The following TMPO variants were observed in gnomAD, a reference collection of about 807,000 sequenced individuals.
TMPO encodes the protein LEM domain containing 4.
Under a neutral mutation model 45.4 loss-of-function variants are expected in TMPO, and 22 were observed. That is an observed-to-expected ratio of 0.48 (90% CI 0.35 to 0.69). The LOEUF (loss-of-function observed/expected upper bound fraction) is 0.69, where lower values mean the gene tolerates loss of function less well. Among genes scored for constraint, TMPO ranks in the 30% least tolerant of loss-of-function variants. TMPO has a pLI of 0.01. For missense variants in TMPO, 512 were observed against 548.8 expected, an observed-to-expected ratio of 0.93 and a Z score of 0.67; for synonymous variants, 241 against 204.1, an observed-to-expected ratio of 1.18 and a Z score of -1.54.
chr12:98,545,175 A>G (rs910934973), intron 7 of TMPO, 114 bp downstream of exon 7: 4 of 654,198 alleles, frequency 6.1e-6, no homozygotes, highest in Non-Finnish European at 9.9e-6. Flanking sequence ...AGCTTTCTTT[A>G]TTGGGTGGTG....
intron 7 of TMPO, 68 bp downstream of exon 7, chr12:98,545,129 GTTTTTTT>G (rs79128220): frequency 4.6e-6 from 3 of 650,976 alleles, no homozygotes; most frequent in Admixed American, 3.0e-5. Context: ...ATATTTGTTT[GTTTTTTT>G]TTTTTTTTTT....
At chr12:98,518,470 C>CTTTTTTTTTTTTTTTTTTTT (rs11437786) in intron 1 of TMPO, among the ~76,000 whole-genome samples, 2 of 83,518 alleles carry the variant, frequency 2.4e-5, no homozygotes, top group African/African-American at 5.1e-5. Flanking sequence ...ATTTTCTAAT[C>CTTTTTTTTTTTTTTTTTTTT]TTTTTTTTTT....
Position 98,533,543 on chromosome 12 carries a change from T to A in TMPO, c.565+1705T>A, listed in dbSNP as rs1445522904. On this transcript the variant is annotated intron_variant, in intron 3 of 8. Coordinates refer to ENST00000556029, the MANE Select transcript of TMPO (RefSeq NM_001032283.3). ...GAATTCCTGTCTCCTCCAAGAAAAG[T>A]CCCTAGACTGAGTGAGAAGTCAGTG... 6.2e-6 allele frequency: 10 copies of A among 1,614,156 alleles called. No homozygotes were observed. In the East Asian group the frequency reaches 2.2e-4, roughly 36 times the overall value.
rs1235766643 is a variant in TMPO, at chr12:98,532,993, A to G, written c.565+1155A>G. 1.2e-6 allele frequency: 2 copies of G among 1,613,976 alleles called. No individual in the cohort carries two copies. Among genetic ancestry groups the G allele is most frequent in the Non-Finnish European group, 1.7e-6 (2 of 1,180,002 alleles). On this transcript the variant is annotated intron_variant, in intron 3 of 8. Transcript: ENST00000556029. ...ACTACAGGCAGCTAAGAAAGTACAT[A>G]CTTCTAAGGGAGACCTACCTAGGGA... is the stretch of plus-strand genomic sequence containing the variant.
rs763238672 is a variant in TMPO at position 98,534,026 on chromosome 12, C to T, written c.565+2188C>T. 9.3e-6 allele frequency: 15 copies of T among 1,608,070 alleles called. No individual in the cohort carries two copies. The Admixed American group carries it at 1.5e-4, about 16-fold the overall frequency. ...ATTGCAACTCACACTGCCTTTGTAG[C>T]TAAGGCTATGCAGGCAGACATTAGT... On this transcript the variant is annotated intron_variant, in intron 3 of 8. Coordinates refer to ENST00000556029, the MANE Select transcript of TMPO (RefSeq NM_001032283.3).
chr12:98,518,231 C>T (rs1036920126), intron 1 of TMPO, among the ~76,000 whole-genome samples: 2 of 151,364 alleles, frequency 1.3e-5, no homozygotes, highest in South Asian at 2.1e-4. Context: ...TAGAACCCTT[C>T]ATTGGTCCTC....
At chr12:98,540,011 A>C (rs1272432619) in intron 4 of TMPO, among the ~76,000 whole-genome samples, 1 of 152,200 alleles carries the variant, frequency 6.6e-6, no homozygotes, top group Non-Finnish European at 1.5e-5. Context: ...ATGTTGTTCA[A>C]ATCAGGATCC....
rs750885955 is a variant in TMPO, at chr12:98,547,926, C to T, written c.*68C>T. On this transcript the variant is annotated 3_prime_UTR_variant, in exon 9 of 9. Coordinates refer to ENST00000556029, the MANE Select transcript of TMPO (RefSeq NM_001032283.3). Reference sequence around the variant, plus strand: ...ATAACTGTTGAAAAACATTTGTGTACACTTGTTGACTCCAAGAACTAAAAA... The same window carrying T: ...ATAACTGTTGAAAAACATTTGTGTATACTTGTTGACTCCAAGAACTAAAAA... The T allele has an allele frequency of 4.3e-5, 66 of 1,528,316 alleles. No individual in the cohort carries two copies. Among genetic ancestry groups the T allele is most frequent in the African/African-American group, 5.5e-5 (4 of 72,466 alleles). The allele number at this position is 1,528,316 out of a possible 1,614,324, so 94.7% of individuals were successfully genotyped here.
At position 98,544,432 on chromosome 12, in the gene TMPO, A is replaced by C; in HGVS notation, c.784-10A>C. Reference sequence around the variant, plus strand: ...TATTTATTGTTTTTGTTTTGTTTTCAAACTAACAGGTGGAAACTTCAGAAC... The same window carrying C: ...TATTTATTGTTTTTGTTTTGTTTTCCAACTAACAGGTGGAAACTTCAGAAC... On this transcript the variant is annotated splice_polypyrimidine_tract_variant and intron_variant, in intron 5 of 8. Coordinates refer to ENST00000556029, the MANE Select transcript of TMPO (RefSeq NM_001032283.3). 1 of 1,613,484 alleles carries C rather than the reference A, an allele frequency of 6.2e-7. No homozygotes were observed. Among genetic ancestry groups the C allele is most frequent in the Non-Finnish European group, 8.5e-7 (1 of 1,179,550 alleles).
At chr12:98,544,080 A>C (rs1300107281) in intron 4 of TMPO, 150 bp from the exon 5 acceptor site, 1 of 823,940 alleles carries the variant, frequency 1.2e-6, no homozygotes, top group Non-Finnish European at 1.9e-6. Flanking sequence ...TTCAATTAAT[A>C]CATTTAGGAA....
intron 1 of TMPO, among the ~76,000 whole-genome samples, chr12:98,523,931 G>A (rs1168642906): frequency 2.6e-5 from 4 of 152,054 alleles, no homozygotes; most frequent in African/African-American, 7.2e-5. Flanking sequence ...CTCCCTCCTC[G>A]GCCTCCCAAA....
rs1314318018 is a variant in TMPO, at chr12:98,515,813, C to A, written c.-55C>A. 1.3e-6 allele frequency: 2 copies of A among 1,572,004 alleles called. No individual in the cohort carries two copies. Among genetic ancestry groups the A allele is most frequent in the Non-Finnish European group, 1.7e-6 (2 of 1,160,348 alleles). On this transcript the variant is annotated 5_prime_UTR_variant, in exon 1 of 9. Coordinates refer to ENST00000556029, the MANE Select transcript of TMPO (RefSeq NM_001032283.3). ...GGTCCCCGGCCAGGAGCAAGCGCGC[C>A]GGCGTGAGCGGCGGCGGCAAAGGCT...
At chr12:98,544,068 A>G in intron 4 of TMPO, 162 bp from the exon 5 acceptor site, 2 of 725,510 alleles carry the variant, frequency 2.8e-6, no homozygotes, top group Non-Finnish European at 4.5e-6. Flanking sequence ...CCTAAATATC[A>G]GTTCAATTAA....
At position 98,544,683 on chromosome 12, in the gene TMPO, C is replaced by G. The variant is rs1237450380; in HGVS notation, c.879+146C>G. On this transcript the variant is annotated intron_variant, in intron 6 of 8. Transcript: ENST00000556029. ...TTAAACTGATTTTCCCCATATAGTT[C>G]TGAATTTTAGAATTTTCCTATAATA... 1.5e-4 allele frequency: 107 copies of G among 725,386 alleles called. 2 individuals carry two copies. The South Asian group carries it at 1.9e-3, about 13-fold the overall frequency. The allele number at this position is 725,386 out of a possible 1,614,324, so 44.9% of individuals were successfully genotyped here. A position where few individuals can be genotyped will look rare whatever the true frequency, so the allele number is the denominator to read the frequency against.
Position 98,550,085 on chromosome 12 carries a change from A to G in TMPO, c.*2227A>G, listed in dbSNP as rs1381020726. 1 of 152,236 alleles carries G rather than the reference A, an allele frequency of 6.6e-6. No homozygotes were observed. The highest frequency in any genetic ancestry group is 1.9e-4 in the East Asian group (1 of 5,204). 9.4% of individuals were successfully genotyped at this position (152,236 alleles called of 1,614,324 possible). On this transcript the variant is annotated 3_prime_UTR_variant, in exon 9 of 9. Coordinates refer to ENST00000556029, the MANE Select transcript of TMPO (RefSeq NM_001032283.3). ...TGTGGGGAGATAAATCAGACTTAAC[A>G]TGTATGTAAGATCAATTCACTTAAA...
chr12:98,537,717 A>T (rs768291490), intron 4 of TMPO, 145 bp downstream of exon 4: 3 of 772,930 alleles, frequency 3.9e-6, no homozygotes, highest in Non-Finnish European at 6.7e-6. Flanking sequence ...CTAAAAATCT[A>T]AACTTTGTGG....
At chr12:98,522,254 A>G (rs1403834083) in intron 1 of TMPO, among the ~76,000 whole-genome samples, 1 of 152,106 alleles carries the variant, frequency 6.6e-6, no homozygotes, top group Non-Finnish European at 1.5e-5. Context: ...GCCTCAAGGG[A>G]TCCTCCTGCT....
intron 3 of TMPO, among the ~76,000 whole-genome samples, chr12:98,536,595 C>T (rs1877582990): frequency 6.6e-6 from 1 of 152,156 alleles, no homozygotes; most frequent in Non-Finnish European, 1.5e-5. Context: ...AGGTGATCCG[C>T]CCACCTCGGC....
rs766232053 is a variant in TMPO, at chr12:98,534,137, A to G, written c.565+2299A>G. 3.7e-6 allele frequency: 6 copies of G among 1,613,930 alleles called. No individual in the cohort carries two copies. Among genetic ancestry groups the G allele is most frequent in the Non-Finnish European group, 5.1e-6 (6 of 1,179,900 alleles). On this transcript the variant is annotated intron_variant, in intron 3 of 8. Transcript: ENST00000556029. ...AGCAAAACATATGATGCAGCCTCATATATTTGTGAAGCTGCATTTGATGAA... is the reference window on the plus strand; with the variant it reads ...AGCAAAACATATGATGCAGCCTCATGTATTTGTGAAGCTGCATTTGATGAA...
Sources: allele counts gnomAD v4.1 joint callset (sites outside exome capture counted in the v4.1 genomes callset), GRCh38; gene constraint gnomAD v4.1.1; transcripts MANE v1.5; gene names NCBI Gene and HGNC (gene_info 2026-07-23, HGNC 2026-07-21).